The following BLK variants were observed in gnomAD, a reference collection of about 807,000 sequenced individuals.
BLK encodes BLK proto-oncogene, Src family tyrosine kinase.
Under a neutral mutation model 61.8 loss-of-function variants are expected in BLK, and 64 were observed. That is an observed-to-expected ratio of 1.03 (90% CI 0.85 to 1.27). The LOEUF (loss-of-function observed/expected upper bound fraction) is 1.27, where lower values mean the gene tolerates loss of function less well. Among genes scored for constraint, BLK ranks in the 50% most tolerant of loss-of-function variants. The pLI is 0.00. For synonymous variants in BLK, 351 were observed against 272.0 expected (o/e 1.29, Z -2.86); for missense variants, 853 against 660.5 (o/e 1.29, Z -3.19).
At chr8:11,507,186 T>C (rs1222972984) in intron 1 of BLK, among the ~76,000 whole-genome samples, 1 of 152,108 alleles carries the variant, frequency 6.6e-6, no homozygotes, top group Admixed American at 6.5e-5. Flanking sequence ...AACAACACCC[T>C]TGGCAGAGGA....
At chr8:11,503,794 G>A (rs1798655591) in intron 1 of BLK, among the ~76,000 whole-genome samples, 1 of 152,154 alleles carries the variant, frequency 6.6e-6, no homozygotes, top group South Asian at 2.1e-4. Context: ...TGCTGAGGCT[G>A]CTGGCTGCCC....
At chr8:11,550,380 C>T (rs780785215) in intron 6 of BLK, 118 bp downstream of exon 6, 46 of 963,466 alleles carry the variant, frequency 4.8e-5, no homozygotes, top group Non-Finnish European at 5.0e-5. Flanking sequence ...CAGCAGCTTC[C>T]GGGCTTGTGT....
chr8:11,548,194 C>T (rs941125247), intron 4 of BLK, 69 bp downstream of exon 4: 1 of 1,319,266 alleles, frequency 7.6e-7, no homozygotes, highest in Non-Finnish European at 1.1e-6. Flanking sequence ...CTTTCTCCAC[C>T]CACCACATCC....
At chr8:11,549,330 C>T (rs1334973770) in intron 5 of BLK, among the ~76,000 whole-genome samples, 1 of 152,192 alleles carries the variant, frequency 6.6e-6, no homozygotes, top group Non-Finnish European at 1.5e-5. Flanking sequence ...GAGCAAGCCG[C>T]TCTTCCCAGC....
At chr8:11,545,891 TG>T in intron 2 of BLK, 160 bp from the exon 3 acceptor site, 1 of 800,032 alleles carries the variant, frequency 1.2e-6, no homozygotes, top group Non-Finnish European at 2.2e-6. Context: ...TGCTGGTCCC[TG>T]GGTACAGAAT....
rs144986569 is a variant in BLK at position 11,551,591 on chromosome 8, G to C, written c.472+1329G>C. 2.0e-5 allele frequency among the ~76,000 whole-genome samples: 3 copies of C among 152,348 alleles called. No individual in the cohort carries two copies. The East Asian group carries it at 5.8e-4, about 29-fold the overall frequency. On this transcript the variant is annotated intron_variant, in intron 6 of 12. Coordinates refer to ENST00000259089, the MANE Select transcript of BLK (RefSeq NM_001715.3). ...GTAACAGATTCATTCATGTGGTTGA[G>C]GATGGTGAGCCTGTTCATGTTCATT... is the stretch of plus-strand genomic sequence containing the variant.
intron 6 of BLK, among the ~76,000 whole-genome samples, chr8:11,551,463 C>G (rs1197586938): frequency 1.3e-5 from 2 of 152,218 alleles, no homozygotes; most frequent in Non-Finnish European, 2.9e-5. Context: ...CTCATTTTAA[C>G]TTAATCACCC....
chr8:11,518,818 C>G (rs1368832652), intron 1 of BLK, among the ~76,000 whole-genome samples: 1 of 152,192 alleles, frequency 6.6e-6, no homozygotes, highest in African/African-American at 2.4e-5. Flanking sequence ...GTGCAGGGAG[C>G]CTCTTTCTGC....
chr8:11,556,538 T>C, intron 8 of BLK, 120 bp from the exon 9 acceptor site: 2 of 1,252,512 alleles, frequency 1.6e-6, no homozygotes, highest in South Asian at 2.5e-5. Context: ...GAACTGCATG[T>C]TCCAGCTCTG....
intron 1 of BLK, among the ~76,000 whole-genome samples, chr8:11,536,383 T>A (rs1224898717): frequency 4.6e-5 from 7 of 152,152 alleles, no homozygotes; most frequent in Non-Finnish European, 8.8e-5. Context: ...TCTATTATTA[T>A]TAATATTATT....
At chr8:11,522,820 A>C (rs1799508172) in intron 1 of BLK, among the ~76,000 whole-genome samples, 1 of 152,220 alleles carries the variant, frequency 6.6e-6, no homozygotes, top group Non-Finnish European at 1.5e-5. Flanking sequence ...GAGTAGCAAT[A>C]TATATTGTTT....
intron 1 of BLK, among the ~76,000 whole-genome samples, chr8:11,505,108 G>T (rs116431579): frequency 0.013 from 2,015 of 152,116 alleles, 49 homozygotes; most frequent in African/African-American, 0.045. Flanking sequence ...AGATACACAG[G>T]CACACATACA....
At chr8:11,527,326 T>C (rs1799697926) in intron 1 of BLK, among the ~76,000 whole-genome samples, 2 of 152,190 alleles carry the variant, frequency 1.3e-5, no homozygotes, top group African/African-American at 4.8e-5. Flanking sequence ...TATACTCTTG[T>C]ATAAAGTCCA....
chr8:11,534,048 A>G (rs976256226), intron 1 of BLK, among the ~76,000 whole-genome samples: 10 of 152,218 alleles, frequency 6.6e-5, no homozygotes, highest in Non-Finnish European at 1.2e-4. Context: ...ACCTGCCTGC[A>G]TCAGCATCAC....
chr8:11,536,187 T>A (rs956455535), intron 1 of BLK, among the ~76,000 whole-genome samples: 3 of 152,194 alleles, frequency 2.0e-5, no homozygotes, highest in Admixed American at 6.5e-5. Flanking sequence ...TGAGCAAATG[T>A]CTCCATGCTT....
intron 1 of BLK, among the ~76,000 whole-genome samples, chr8:11,533,055 G>C (rs1228146152): frequency 6.6e-6 from 1 of 152,146 alleles, no homozygotes; most frequent in African/African-American, 2.4e-5. Context: ...GCCCAGCCTT[G>C]AGTCAGAAGG....
intron 1 of BLK, among the ~76,000 whole-genome samples, chr8:11,519,347 A>G (rs1370158199): frequency 6.6e-6 from 1 of 152,196 alleles, no homozygotes; most frequent in African/African-American, 2.4e-5. Context: ...GCTCCGAAAC[A>G]GTTCCACGGT....
intron 6 of BLK, chr8:11,553,147 T>C (rs1800997721): frequency 1.0e-5 from 2 of 192,584 alleles, no homozygotes; most frequent in African/African-American, 2.3e-5. Flanking sequence ...ACCCCTCTGC[T>C]TCTCCGAGCC....
intron 1 of BLK, among the ~76,000 whole-genome samples, chr8:11,537,144 G>C (rs1178742650): frequency 6.6e-6 from 1 of 152,218 alleles, no homozygotes; most frequent in Non-Finnish European, 1.5e-5. Flanking sequence ...GTTGTCCTGA[G>C]TTGAGACATG....
Sources: allele counts gnomAD v4.1 joint callset (sites outside exome capture counted in the v4.1 genomes callset), GRCh38; gene constraint gnomAD v4.1.1; transcripts MANE v1.5; gene names NCBI Gene and HGNC (gene_info 2026-07-23, HGNC 2026-07-21).